Variants in PTK2 observed in about 807,000 individuals in gnomAD.
The protein encoded by PTK2 is protein tyrosine kinase 2, also known as focal adhesion kinase 1.
A neutral mutation model predicts 150.1 loss-of-function variants in PTK2; 45 were observed. The ratio of observed to expected loss-of-function variants is 0.30; its 90% CI spans 0.24 to 0.38. The LOEUF is 0.38. Ranked by LOEUF, PTK2 falls within the 10% of genes least tolerant of loss-of-function variation. The pLI is 1.00. For missense variants in PTK2, 919 were observed against 1,307.3 expected, an observed-to-expected ratio of 0.70 and a Z score of 4.58; for synonymous variants, 432 against 449.2, an observed-to-expected ratio of 0.96 and a Z score of 0.48.
chr8:140,676,786 A>AAAAAAAAAAAAAAC (rs1226141512), intron 27 of PTK2, among the ~76,000 whole-genome samples: 1 of 147,346 alleles, frequency 6.8e-6, no homozygotes, highest in Non-Finnish European at 1.5e-5. Context: ...AAAAAAAAAA[A>AAAAAAAAAAAAAAC]AAATAGCCAG....
intron 15 of PTK2, among the ~76,000 whole-genome samples, chr8:140,762,947 A>G (rs911248590): frequency 2.6e-5 from 4 of 152,076 alleles, no homozygotes; most frequent in African/African-American, 9.7e-5. Flanking sequence ...CGCCTGCCTA[A>G]TTTATTTTGT....
intron 8 of PTK2, among the ~76,000 whole-genome samples, chr8:140,829,632 G>T (rs1278364718): frequency 2.0e-5 from 3 of 152,098 alleles, no homozygotes. Flanking sequence ...GGCTTCAGCT[G>T]ATGGGATGTA....
At chr8:140,832,209 C>T (rs1185923066) in intron 7 of PTK2, among the ~76,000 whole-genome samples, 1 of 152,166 alleles carries the variant, frequency 6.6e-6, no homozygotes, top group Non-Finnish European at 1.5e-5. Flanking sequence ...CCTGCACTAC[C>T]ACGCCCAGCT....
intron 14 of PTK2, among the ~76,000 whole-genome samples, chr8:140,779,596 T>C (rs74912373): frequency 0.017 from 2,568 of 152,116 alleles, 74 homozygotes; most frequent in African/African-American, 0.057. Context: ...AAGAGGAATA[T>C]ATAGAGAAGT....
chr8:140,976,611 T>C (rs2100189345), intron 1 of PTK2, among the ~76,000 whole-genome samples: 1 of 152,222 alleles, frequency 6.6e-6, no homozygotes, highest in Non-Finnish European at 1.5e-5. Flanking sequence ...AGGCAGTCAC[T>C]TGTCTTTAAG....
intron 21 of PTK2, among the ~76,000 whole-genome samples, chr8:140,737,908 T>A (rs1174275278): frequency 6.6e-6 from 1 of 152,238 alleles, no homozygotes; most frequent in Non-Finnish European, 1.5e-5. Context: ...CAGAGCTTTT[T>A]CTAATCATGT....
upstream of PTK2, among the ~76,000 whole-genome samples, chr8:141,001,645 T>C (rs2100200288): frequency 1.3e-5 from 2 of 151,922 alleles, no homozygotes; most frequent in Non-Finnish European, 2.9e-5. Context: ...CCTCCCCATC[T>C]CCTTCCCTGC....
At chr8:140,921,416 G>T (rs1157051122) in intron 2 of PTK2, among the ~76,000 whole-genome samples, 2 of 152,094 alleles carry the variant, frequency 1.3e-5, no homozygotes, top group East Asian at 3.8e-4. Context: ...GTCTGTAGAT[G>T]GCTTCTCAAA....
intron 10 of PTK2, among the ~76,000 whole-genome samples, chr8:140,804,883 C>A (rs2100097397): frequency 6.6e-6 from 1 of 152,230 alleles, no homozygotes; most frequent in Admixed American, 6.5e-5. Flanking sequence ...GCATGTCCCA[C>A]AGCCCCTCTG....
At chr8:140,773,541 G>A (rs1046518673) in intron 14 of PTK2, among the ~76,000 whole-genome samples, 4 of 152,122 alleles carry the variant, frequency 2.6e-5, no homozygotes, top group Non-Finnish European at 5.9e-5. Flanking sequence ...CACACATCAG[G>A]GGAGGCCAGG....
chr8:140,674,081 G>C, intron 29 of PTK2: 1 of 704,178 alleles, frequency 1.4e-6, no homozygotes, highest in East Asian at 2.7e-5. Flanking sequence ...TACACTGAGA[G>C]GAAAATGGAA....
At chr8:140,858,468 G>A (rs1169325594) in intron 5 of PTK2, among the ~76,000 whole-genome samples, 1 of 150,840 alleles carries the variant, frequency 6.6e-6, no homozygotes, top group Non-Finnish European at 1.5e-5. Flanking sequence ...GAAAATCCAC[G>A]ACTCGTTTGT....
In PTK2 at chr8:140,833,071, A is replaced by G. The variant is rs576582619; in HGVS notation, c.594-2545T>C. 32 of 519,052 alleles carry G rather than the reference A, an allele frequency of 6.2e-5. 1 individual carries two copies. The highest frequency in any genetic ancestry group is 4.5e-4 in the South Asian group (32 of 71,592). The allele number at this position is 519,052 out of a possible 1,614,324, so 32.2% of individuals were successfully genotyped here. A position where few individuals can be genotyped will look rare whatever the true frequency, so the allele number is the denominator to read the frequency against. On this transcript the variant is annotated intron_variant, in intron 7 of 31. Coordinates refer to ENST00000522684, the Ensembl canonical transcript of PTK2. ...AAATAAGAAAGTTAAAGATAAACCA[A>G]AAGTGTTGTATGATTCAAGAAAAAT... is the stretch of plus-strand genomic sequence containing the variant.
chr8:140,964,393 T>C (rs1219477343), intron 1 of PTK2, among the ~76,000 whole-genome samples: 4 of 151,750 alleles, frequency 2.6e-5, no homozygotes, highest in African/African-American at 7.3e-5. Context: ...TTTTTTTTTT[T>C]CTGGAGATAG....
At chr8:140,871,504 C>T (rs2100142464) in intron 4 of PTK2, among the ~76,000 whole-genome samples, 1 of 152,142 alleles carries the variant, frequency 6.6e-6, no homozygotes, top group Non-Finnish European at 1.5e-5. Flanking sequence ...TGAAATAAGA[C>T]CTTTGAATCA....
intron 1 of PTK2, among the ~76,000 whole-genome samples, chr8:140,966,206 T>A (rs1000994115): frequency 6.6e-6 from 1 of 152,232 alleles, no homozygotes; most frequent in Admixed American, 6.5e-5. Flanking sequence ...CCCAACAGTA[T>A]GCACCATTAT....
At chr8:140,805,336 G>C (rs1476261876) in intron 10 of PTK2, among the ~76,000 whole-genome samples, 2 of 152,020 alleles carry the variant, frequency 1.3e-5, no homozygotes, top group Non-Finnish European at 2.9e-5. Flanking sequence ...TGAGGCGGGT[G>C]GATCACGAGG....
intron 7 of PTK2, among the ~76,000 whole-genome samples, chr8:140,845,835 T>C (rs1048303140): frequency 2.0e-5 from 3 of 152,190 alleles, no homozygotes; most frequent in Non-Finnish European, 4.4e-5. Context: ...CACACATTAA[T>C]TTCATTATTG....
intron 1 of PTK2, among the ~76,000 whole-genome samples, chr8:140,973,361 T>C (rs1178837591): frequency 2.0e-5 from 3 of 152,218 alleles, no homozygotes; most frequent in African/African-American, 4.8e-5. Context: ...TGATTCTCCA[T>C]CAAATGGTCA....
Sources: gnomAD v4.1 joint callset for allele counts (sites outside exome capture counted in the v4.1 genomes callset) on GRCh38, gnomAD v4.1.1 for gene constraint, MANE v1.5 for transcripts, NCBI Gene and HGNC (gene_info 2026-07-23, HGNC 2026-07-21) for gene names.